Variants in BCL11B observed in about 807,000 individuals in gnomAD.
BCL11B encodes the protein B-cell lymphoma/leukemia 11B.
Under a neutral mutation model 49.9 loss-of-function variants are expected in BCL11B, and 8 were observed. That is an observed-to-expected ratio of 0.16 (90% CI 0.09 to 0.29). The LOEUF (loss-of-function observed/expected upper bound fraction) is 0.29, where lower values mean the gene tolerates loss of function less well. Ranked by LOEUF, BCL11B falls within the 10% of genes least tolerant of loss-of-function variation. The probability of loss-of-function intolerance (pLI) is 1.00; values close to 1 mark genes in which losing one functional copy is unlikely to be tolerated. For synonymous variants in BCL11B, 739 were observed against 637.4 expected (o/e 1.16, Z -2.40); for missense variants, 1,006 against 1,351.0 (o/e 0.74, Z 4.00).
At chr14:99,263,370 G>A (rs1374584061) in intron 1 of BCL11B, among the ~76,000 whole-genome samples, 1 of 152,162 alleles carries the variant, frequency 6.6e-6, no homozygotes. Context: ...AAGGGAAGGC[G>A]GCCGGTGCAA....
chr14:99,253,373 G>T (rs1276999925), intron 2 of BCL11B, among the ~76,000 whole-genome samples: 1 of 152,234 alleles, frequency 6.6e-6, no homozygotes, highest in Admixed American at 6.5e-5. Flanking sequence ...CCCAGTGGCG[G>T]TTTGTCCCAA....
intron 3 of BCL11B, among the ~76,000 whole-genome samples, chr14:99,187,261 G>A (rs1446446527): frequency 1.3e-5 from 2 of 152,164 alleles, no homozygotes; most frequent in Admixed American, 6.5e-5. Context: ...GGAAGAGCCG[G>A]GGCAGGACGC....
intron 1 of BCL11B, chr14:99,264,828 G>A (rs1450089130): frequency 6.6e-6 from 1 of 152,080 alleles, no homozygotes; most frequent in East Asian, 1.9e-4. Flanking sequence ...CTTTCCACGC[G>A]TCTCCAAATA....
In BCL11B at chr14:99,242,649, A is replaced by T. The variant is rs1888705442; in HGVS notation, c.428-11092T>A. 6.6e-6 allele frequency among the ~76,000 whole-genome samples: 1 copy of T among 152,244 alleles called. No individual in the cohort carries two copies. Among genetic ancestry groups the T allele is most frequent in the Non-Finnish European group, 1.5e-5 (1 of 68,042 alleles). ...CAAAGTCTTGGCCCAGCCAGGGTGA[A>T]CAAACCAAATACATAAAGAAAGCTT... On this transcript the variant is annotated intron_variant, in intron 2 of 3. Transcript: ENST00000357195. The surrounding 1 kb of genome is among the most constrained non-coding windows in gnomAD (Gnocchi z 4.4).
chr14:99,259,924 C>G (rs1234043371), intron 1 of BCL11B, among the ~76,000 whole-genome samples: 2 of 152,170 alleles, frequency 1.3e-5, no homozygotes, highest in Admixed American at 6.5e-5. Flanking sequence ...TTATTTGGTG[C>G]CTCTTTTTCC....
At position 99,175,429 on chromosome 14, in the gene BCL11B, CT is replaced by C; in HGVS notation, c.1406del (p.Lys469SerfsTer6). On this transcript the variant is annotated frameshift_variant, in exon 4 of 4. Coordinates refer to ENST00000357195, the MANE Select transcript of BCL11B (RefSeq NM_138576.4). LOFTEE classifies it high-confidence loss of function. ...TGTGCGTCTTCATGTGGCGCTTGAG[CT>C]TGCTGGCCTGCGAGCACGCGTGGTC... ...LCDHACSQAS[K>X]LKRHMKTHMH... The C allele has an allele frequency of 6.2e-7, 1 of 1,610,526 alleles. No individual in the cohort carries two copies.
chr14:99,207,584 G>C (rs978107664), intron 3 of BCL11B, among the ~76,000 whole-genome samples: 1 of 152,246 alleles, frequency 6.6e-6, no homozygotes, highest in African/African-American at 2.4e-5. Context: ...GCCGGAGCTA[G>C]AGGCATCAGG....
chr14:99,189,796 G>A (rs967446267), intron 3 of BCL11B, among the ~76,000 whole-genome samples: 2 of 152,204 alleles, frequency 1.3e-5, no homozygotes, highest in African/African-American at 4.8e-5. Flanking sequence ...GAAGGGCTGG[G>A]AAACTGCTGC....
chr14:99,253,152 A>G (rs1225590167), intron 2 of BCL11B, among the ~76,000 whole-genome samples: 1 of 152,240 alleles, frequency 6.6e-6, no homozygotes, highest in East Asian at 1.9e-4. Context: ...AGTGACTCAC[A>G]CAGGTGGCCA....
In BCL11B at chr14:99,175,568, G is replaced by A. The variant is rs1160056003; in HGVS notation, c.1268C>T (p.Pro423Leu). ...GAACTCGCACGACTTGCTCTTGGCT[G>A]GCGGCTGCGGGGGCGGCGTGCCGCC... ...PPGGTPPPQPPAKSKSCEFCG... is the reference protein window; with the variant it reads ...PPGGTPPPQPLAKSKSCEFCG... The change falls in exon 4 of 4, where the codon CCA becomes CTA. Residue 423 changes from proline to leucine, a missense_variant. This residue lies in a region of BCL11B where 97 missense variants were observed against 81.5 expected (regional missense o/e 1.19). Coordinates refer to ENST00000357195, the MANE Select transcript of BCL11B (RefSeq NM_138576.4). The A allele has an allele frequency of 6.3e-7, 1 of 1,591,484 alleles. No homozygotes were observed. The highest frequency in any genetic ancestry group is 8.6e-7 in the Non-Finnish European group (1 of 1,169,130).
At position 99,271,833 on chromosome 14, in the gene BCL11B, C is replaced by G. The variant is rs1245622105; in HGVS notation, c.-615G>C. 6.6e-6 allele frequency among the ~76,000 whole-genome samples: 1 copy of G among 152,138 alleles called. No homozygotes were observed. The highest frequency in any genetic ancestry group is 1.5e-5 in the Non-Finnish European group (1 of 68,012). ...GTCTCGTACCCCCTCACCCCGCCCC[C>G]TCAAAAAACCCAAAGCAATGTAAAA... On this transcript the variant is annotated 5_prime_UTR_variant, in exon 1 of 4. Transcript: ENST00000357195.
At chr14:99,217,716 G>A (rs781377680) in intron 3 of BCL11B, among the ~76,000 whole-genome samples, 3 of 152,110 alleles carry the variant, frequency 2.0e-5, no homozygotes, top group Admixed American at 6.5e-5. Flanking sequence ...CAGAAGCCAC[G>A]GTAGGCTGGT....
chr14:99,176,284 C>T (rs1350504779), intron 3 of BCL11B, 89 bp from the exon 4 acceptor site: 67 of 1,237,932 alleles, frequency 5.4e-5, no homozygotes, highest in South Asian at 5.3e-4. Context: ...CTGGGGGACG[C>T]GGCCCGGGCT....
intron 3 of BCL11B, among the ~76,000 whole-genome samples, chr14:99,200,321 G>C (rs1424625749): frequency 6.6e-6 from 1 of 152,216 alleles, no homozygotes; most frequent in Non-Finnish European, 1.5e-5. Context: ...CTGGGCTGAA[G>C]CCCCATTCGG....
intron 3 of BCL11B, among the ~76,000 whole-genome samples, chr14:99,219,620 G>A (rs1887952148): frequency 6.6e-6 from 1 of 152,024 alleles, no homozygotes; most frequent in African/African-American, 2.4e-5. Context: ...CACCGAGTGA[G>A]CTCTATCTCG....
rs1888341599 is a variant in BCL11B, at chr14:99,231,684, G to T, written c.428-127C>A. On this transcript the variant is annotated intron_variant, in intron 2 of 3. Transcript: ENST00000357195. The surrounding 1 kb of genome is among the most constrained non-coding windows in gnomAD (Gnocchi z 8.1). ...CCCTTCGGGGGTGGGAGGCCCCCGGGGTGCCAGGCCCTGCAGGGAAGGCAA... is the reference window on the plus strand; with the variant it reads ...CCCTTCGGGGGTGGGAGGCCCCCGGTGTGCCAGGCCCTGCAGGGAAGGCAA... 8 of 982,890 alleles carry T rather than the reference G, an allele frequency of 8.1e-6. No individual in the cohort carries two copies. The Admixed American group carries it at 1.2e-4, about 14-fold the overall frequency. 60.9% of individuals were successfully genotyped at this position (982,890 alleles called of 1,614,324 possible). A position where few individuals can be genotyped will look rare whatever the true frequency, so the allele number is the denominator to read the frequency against.
chr14:99,259,077 G>A (rs1336442413), intron 1 of BCL11B, among the ~76,000 whole-genome samples: 1 of 152,132 alleles, frequency 6.6e-6, no homozygotes, highest in African/African-American at 2.4e-5. Flanking sequence ...GAGCAAATTC[G>A]GGCTGGAATT....
chr14:99,174,073 C>A lies in BCL11B; in HGVS notation c.*78G>T. 1.4e-6 allele frequency: 2 copies of A among 1,459,508 alleles called. No homozygotes were observed. The highest frequency in any genetic ancestry group is 1.9e-6 in the Non-Finnish European group (2 of 1,071,506). 90.4% of individuals were successfully genotyped at this position (1,459,508 alleles called of 1,614,324 possible). A position where few individuals can be genotyped will look rare whatever the true frequency, so the allele number is the denominator to read the frequency against. On this transcript the variant is annotated 3_prime_UTR_variant, in exon 4 of 4. Transcript: ENST00000357195. The stretch of plus-strand genomic sequence containing the variant: ...CGCGGGGTGCGGGGTGGCGGTGACA[C>A]GGAGGCAAGTCAGGTCAGCATTCTC...
Position 99,231,595 on chromosome 14 carries a change from C to T in BCL11B, c.428-38G>A. The T allele has an allele frequency of 6.5e-7, 1 of 1,543,434 alleles. No individual in the cohort carries two copies. Among genetic ancestry groups the T allele is most frequent in the South Asian group, 1.2e-5 (1 of 83,920 alleles). On this transcript the variant is annotated intron_variant, in intron 2 of 3. Transcript: ENST00000357195. This position sits in a 1 kb window ranked among gnomAD's most constrained non-coding sequence, Gnocchi z 8.1. ...CAATAGAAAAGACTGGTCAGTCGGG[C>T]CCTGGACTGTGTGAGGGGCACGGGG...
Sources: gnomAD v4.1 joint callset for allele counts (sites outside exome capture counted in the v4.1 genomes callset) on GRCh38, gnomAD v4.1.1 for gene constraint, gnomAD v4.1.1 regional missense constraint, Gnocchi (gnomAD v3.1) non-coding constraint, MANE v1.5 for transcripts, NCBI Gene and HGNC (gene_info 2026-07-23, HGNC 2026-07-21) for gene names.